DMD: variants seen among roughly 807,000 people sequenced by gnomAD.
The protein encoded by DMD is mutant dystrophin.
In DMD, 63 loss-of-function variants were observed where a neutral mutation model predicts 330.1. The ratio of observed to expected loss-of-function variants is 0.19; its 90% confidence interval spans 0.16 to 0.24. The LOEUF is 0.24. Among genes scored for constraint, DMD ranks in the 10% least tolerant of loss-of-function variants. The pLI is 1.00. For synonymous variants in DMD, 1,223 were observed against 959.8 expected, an observed-to-expected ratio of 1.27 and a Z score of -5.07; for missense variants, 3,344 against 2,684.1, an observed-to-expected ratio of 1.25 and a Z score of -5.43.
intron 64 of DMD, among the ~76,000 whole-genome samples, chrX:31,222,195 CA>C (rs112128701): frequency 0.51 from 50,053 of 98,907 alleles, 12,317 homozygotes; most frequent in African/African-American, 0.89. Flanking sequence ...GACTCTGTCT[CA>C]AAAAAAAACA....
intron 4 of DMD, among the ~76,000 whole-genome samples, chrX:32,831,129 C>CT (rs749728243): frequency 5.4e-5 from 6 of 110,554 alleles, no homozygotes; most frequent in African/African-American, 9.8e-5. Flanking sequence ...TCCAGGTACT[C>CT]TACCTCCTAA....
At chrX:32,947,172 T>A (rs187949967) in intron 2 of DMD, among the ~76,000 whole-genome samples, 107 of 112,143 alleles carry the variant, frequency 9.5e-4, no homozygotes, top group African/African-American at 3.0e-3. Context: ...ACACCAATAC[T>A]TATGAGGGAG....
chrX:32,877,604 T>A (rs2083474746), intron 2 of DMD, among the ~76,000 whole-genome samples: 1 of 112,120 alleles, frequency 8.9e-6, no homozygotes, highest in African/African-American at 3.2e-5. Flanking sequence ...CACTTCTGCG[T>A]GCCCACCTCC....
chrX:31,469,392 C>T (rs1460844513), intron 59 of DMD, among the ~76,000 whole-genome samples: 1 of 111,673 alleles, frequency 9.0e-6, no homozygotes, highest in East Asian at 2.8e-4. Flanking sequence ...TCAGCATTTG[C>T]TTGTCTGTAA....
Position 32,614,341 on chromosome X carries a change from C to G in DMD, c.1444G>C (p.Asp482His), listed in dbSNP as rs777765815. 2 of 1,208,456 alleles carry G rather than the reference C, an allele frequency of 1.7e-6. No individual in the cohort carries two copies. Among genetic ancestry groups the G allele is most frequent in the Non-Finnish European group, 2.2e-6 (2 of 893,747 alleles). ...RKMEEEPLGPDLEDLKRQVQQ... is the reference protein window; with the variant it reads ...RKMEEEPLGPHLEDLKRQVQQ... ...ACTTGGCGTTTTAGGTCTTCAAGATCAGGTCCAAGAGGCTCTTCCTCCATT... is the reference window on the plus strand; with the variant it reads ...ACTTGGCGTTTTAGGTCTTCAAGATGAGGTCCAAGAGGCTCTTCCTCCATT... The change falls in exon 12 of 79, where the codon GAT becomes CAT. Residue 482 changes from aspartate (D) to histidine (H), a missense_variant. By Grantham distance (81) the Asp-to-His change is moderately conservative (BLOSUM62 -1). Transcript: ENST00000357033.
chrX:31,748,069 G>A (rs1003474025), intron 51 of DMD, among the ~76,000 whole-genome samples: 1 of 111,490 alleles, frequency 9.0e-6, no homozygotes, highest in Non-Finnish European at 1.9e-5. Context: ...ACTATTGGGT[G>A]GTTCCAATAT....
rs1293216477 is a variant in DMD at position 31,210,315 on chromosome X, C to A, written c.9362-616G>T. ...TTGCATAATCTATCCAGTTTTCAGA[C>A]CTGAGGCTCGCTTATTTCTCCTTTC... On this transcript the variant is annotated intron_variant, in intron 64 of 78. Transcript: ENST00000357033. Among the ~76,000 whole-genome samples the A allele has an allele frequency of 3.6e-5, 4 of 111,834 alleles. No homozygotes were observed. In the Admixed American group the frequency reaches 3.8e-4, roughly 11 times the overall value.
intron 3 of DMD, 36 bp downstream of exon 3, chrX:32,849,692 G>A (rs755946156): frequency 9.7e-7 from 1 of 1,034,324 alleles, no homozygotes; most frequent in African/African-American, 1.8e-5. Context: ...ATTCTACTAA[G>A]TTTAAAGTTA....
chrX:33,301,498 G>C lies in DMD; in HGVS notation c.7+37761C>G, dbSNP rs150528748. Reference sequence around the variant, plus strand: ...TCGATTTTACAAAATTATGCAGTAAGTTTTTTCCCTTTGTTGTAAGAAAAT... The same window carrying C: ...TCGATTTTACAAAATTATGCAGTAACTTTTTTCCCTTTGTTGTAAGAAAAT... On this transcript the variant is annotated intron_variant, in intron 1 of 17. Transcript: ENST00000288447. Among the ~76,000 whole-genome samples the C allele has an allele frequency of 7.9e-3, 889 of 111,964 alleles. 5 individuals are homozygous for C. Among genetic ancestry groups the C allele is most frequent in the Non-Finnish European group, 0.011 (597 of 53,144 alleles).
At chrX:32,854,942 C>G (rs773385917) in intron 2 of DMD, among the ~76,000 whole-genome samples, 2 of 111,742 alleles carry the variant, frequency 1.8e-5, no homozygotes, top group African/African-American at 6.5e-5. Context: ...AAAATACTAG[C>G]AAACCAAATT....
intron 76 of DMD, among the ~76,000 whole-genome samples, chrX:31,140,488 G>A (rs2035904731): frequency 9.0e-6 from 1 of 111,698 alleles, no homozygotes; most frequent in Non-Finnish European, 1.9e-5. Flanking sequence ...GTATTTTTTA[G>A]AAGAAAAAGC....
At chrX:32,688,184 T>C (rs1454145602) in intron 9 of DMD, among the ~76,000 whole-genome samples, 1 of 110,392 alleles carries the variant, frequency 9.1e-6, no homozygotes, top group Non-Finnish European at 1.9e-5. Context: ...AACCGACAAA[T>C]CCCATAAAAT....
intron 41 of DMD, 25 bp from the exon 42 acceptor site, chrX:32,310,301 A>G: frequency 1.7e-6 from 2 of 1,161,686 alleles, no homozygotes; most frequent in South Asian, 1.8e-5. Context: ...CAAAAGAACA[A>G]TTTTTTTTAG....
chrX:31,536,165 TTAA>T (rs1294387047), intron 55 of DMD, among the ~76,000 whole-genome samples: 3 of 111,502 alleles, frequency 2.7e-5, no homozygotes, highest in African/African-American at 9.8e-5. Context: ...TGGCCTGAAA[TTAA>T]TGAGATAATT....
intron 41 of DMD, among the ~76,000 whole-genome samples, chrX:32,341,613 T>A (rs2097743229): frequency 8.9e-6 from 1 of 111,883 alleles, no homozygotes; most frequent in African/African-American, 3.2e-5. Context: ...AAACCAGGTG[T>A]GAGGATTAAG....
At chrX:32,637,955 T>G (rs2059209017) in intron 11 of DMD, among the ~76,000 whole-genome samples, 1 of 112,267 alleles carries the variant, frequency 8.9e-6, no homozygotes, top group African/African-American at 3.2e-5. Flanking sequence ...CTCATTTCTG[T>G]GAATTCCAGA....
Position 31,897,914 on chromosome X carries a change from G to A in DMD, c.6913-22541C>T, listed in dbSNP as rs1380170389. 1.9e-4 allele frequency among the ~76,000 whole-genome samples: 21 copies of A among 110,740 alleles called. No individual in the cohort carries two copies. In the East Asian group the frequency reaches 5.4e-3, roughly 29 times the overall value. ...TGGTAGTTTCTTTTGCTGTGCAGAAGCTCCTTAGTTTAATTAGATCCCATT... is the reference window on the plus strand; with the variant it reads ...TGGTAGTTTCTTTTGCTGTGCAGAAACTCCTTAGTTTAATTAGATCCCATT... On this transcript the variant is annotated intron_variant, in intron 47 of 78. Coordinates refer to ENST00000357033, the MANE Select transcript of DMD (RefSeq NM_004006.3).
chrX:32,705,148 A>T (rs765823539), intron 7 of DMD, among the ~76,000 whole-genome samples: 2 of 112,070 alleles, frequency 1.8e-5, no homozygotes, highest in South Asian at 3.6e-4. Context: ...CAACATTTTA[A>T]TTAAAATTTG....
intron 1 of DMD, among the ~76,000 whole-genome samples, chrX:33,084,740 G>A (rs766248780): frequency 1.3e-4 from 15 of 111,643 alleles, no homozygotes; most frequent in East Asian, 1.1e-3. Context: ...TAATACTGTG[G>A]CTGATGTTAG....
Sources: gnomAD v4.1 joint callset for allele counts (sites outside exome capture counted in the v4.1 genomes callset) on GRCh38, gnomAD v4.1.1 for gene constraint, MANE v1.5 for transcripts, NCBI Gene and HGNC (gene_info 2026-07-23, HGNC 2026-07-21) for gene names.